SORCS1: variants seen among roughly 807,000 people sequenced by gnomAD.
SORCS1 encodes VPS10 domain-containing receptor SorCS1.
Under a neutral mutation model 146.1 loss-of-function variants are expected in SORCS1, and 60 were observed. That is an observed-to-expected ratio of 0.41 (90% CI 0.33 to 0.51). SORCS1 has a LOEUF of 0.51. Among genes scored for constraint, SORCS1 ranks in the 20% least tolerant of loss-of-function variants. The probability of loss-of-function intolerance (pLI) is 0.21; values close to 1 mark genes in which losing one functional copy is unlikely to be tolerated. For missense variants in SORCS1, 1,352 were observed against 1,487.6 expected, an observed-to-expected ratio of 0.91 and a Z score of 1.50; for synonymous variants, 637 against 584.0, an observed-to-expected ratio of 1.09 and a Z score of -1.31.
At chr10:106,676,953 A>C (rs1446997922) in intron 13 of SORCS1, among the ~76,000 whole-genome samples, 1 of 152,142 alleles carries the variant, frequency 6.6e-6, no homozygotes, top group Non-Finnish European at 1.5e-5. Flanking sequence ...CTTCCTGTTG[A>C]CCACTTCCTC....
At chr10:107,157,876 CTGCAGAGA>C (rs1969413959) in intron 1 of SORCS1, among the ~76,000 whole-genome samples, 2 of 152,202 alleles carry the variant, frequency 1.3e-5, no homozygotes, top group African/African-American at 4.8e-5. Context: ...CCTTTGGCCA[CTGCAGAGA>C]TGCTGTTTGG....
intron 1 of SORCS1, among the ~76,000 whole-genome samples, chr10:107,161,223 T>C (rs1277764126): frequency 2.6e-5 from 4 of 152,178 alleles, no homozygotes; most frequent in Non-Finnish European, 2.9e-5. Context: ...ATAATTACCA[T>C]GCATTTGCAC....
intron 2 of SORCS1, among the ~76,000 whole-genome samples, chr10:106,882,831 G>A (rs1447971253): frequency 6.6e-6 from 1 of 152,130 alleles, no homozygotes; most frequent in Non-Finnish European, 1.5e-5. Context: ...GCACAGGCTT[G>A]GATTTGGGGC....
intron 1 of SORCS1, among the ~76,000 whole-genome samples, chr10:107,018,198 G>T (rs558421772): frequency 5.3e-5 from 8 of 150,868 alleles, no homozygotes; most frequent in African/African-American, 1.7e-4. Context: ...TTTCGGAGAC[G>T]GAGTCCCGCT....
chr10:106,935,801 T>C (rs1953682419), intron 2 of SORCS1, among the ~76,000 whole-genome samples: 2 of 152,266 alleles, frequency 1.3e-5, no homozygotes, highest in African/African-American at 4.8e-5. Context: ...CAGAACATAC[T>C]ATTTACTTCT....
intron 19 of SORCS1, among the ~76,000 whole-genome samples, chr10:106,623,433 A>G (rs960759098): frequency 6.6e-6 from 1 of 151,892 alleles, no homozygotes; most frequent in Admixed American, 6.6e-5. Flanking sequence ...TTTAGTAGAG[A>G]CAGGGTTTCA....
At chr10:107,173,397 A>C in the SORCS1 span, among the ~76,000 whole-genome samples, 14 of 152,164 alleles carry the variant, frequency 9.2e-5, no homozygotes, top group Admixed American at 9.2e-4. Flanking sequence ...CACCAAAAAA[A>C]GTAGGGGAAG....
At chr10:106,622,319 C>T (rs1176240388) in intron 19 of SORCS1, among the ~76,000 whole-genome samples, 4 of 148,334 alleles carry the variant, frequency 2.7e-5, no homozygotes, top group African/African-American at 9.9e-5. Context: ...AAAAAGATTC[C>T]CATGATCCAA....
At chr10:106,641,563 T>C (rs1849070535) in intron 18 of SORCS1, among the ~76,000 whole-genome samples, 2 of 152,126 alleles carry the variant, frequency 1.3e-5, no homozygotes, top group African/African-American at 2.4e-5. Context: ...TTTGACTGTT[T>C]TTCAAATGTT....
chr10:107,008,993 C>A (rs1564920788), intron 1 of SORCS1, among the ~76,000 whole-genome samples: 1 of 152,202 alleles, frequency 6.6e-6, no homozygotes, highest in South Asian at 2.1e-4. Context: ...GAGACTCCGT[C>A]TCAAAACAAA....
intron 18 of SORCS1, among the ~76,000 whole-genome samples, chr10:106,647,010 TA>T (rs1266368440): frequency 0.032 from 9 of 278 alleles, no homozygotes; most frequent in African/African-American, 0.045. Context: ...TGTATGTGTA[TA>T]TATATATATA....
intron 2 of SORCS1, among the ~76,000 whole-genome samples, chr10:106,910,283 T>C (rs1038912354): frequency 8.9e-5 from 13 of 146,036 alleles, no homozygotes; most frequent in Admixed American, 2.1e-4. Flanking sequence ...TCTCTTTACA[T>C]TGTGTGTGTG....
intron 3 of SORCS1, among the ~76,000 whole-genome samples, chr10:106,819,779 G>A (rs917250131): frequency 3.3e-5 from 5 of 152,180 alleles, no homozygotes; most frequent in African/African-American, 1.2e-4. Flanking sequence ...AGAACAGAAA[G>A]ATAAGGGTAA....
chr10:107,093,085 T>C (rs1964313049), intron 1 of SORCS1, among the ~76,000 whole-genome samples: 1 of 152,190 alleles, frequency 6.6e-6, no homozygotes, highest in Non-Finnish European at 1.5e-5. Context: ...AGTGGAATTC[T>C]TCAAGATTCC....
intron 2 of SORCS1, among the ~76,000 whole-genome samples, chr10:106,843,607 T>C (rs1949162127): frequency 1.3e-5 from 2 of 152,160 alleles, no homozygotes; most frequent in Admixed American, 1.3e-4. Context: ...TATTCTGTTT[T>C]TGTATTTTTA....
chr10:107,163,455 C>T (rs1232761843), intron 1 of SORCS1, among the ~76,000 whole-genome samples: 2 of 152,214 alleles, frequency 1.3e-5, no homozygotes, highest in Non-Finnish European at 2.9e-5. Flanking sequence ...TATATACTCT[C>T]CACTGCAGTT....
chr10:106,638,451 C>A (rs1848860307), intron 18 of SORCS1, among the ~76,000 whole-genome samples: 1 of 151,860 alleles, frequency 6.6e-6, no homozygotes, highest in African/African-American at 2.4e-5. Context: ...AAAATAATGA[C>A]AAAGAAAATT....
intron 1 of SORCS1, among the ~76,000 whole-genome samples, chr10:107,062,528 A>C (rs1378822287): frequency 6.6e-6 from 1 of 152,180 alleles, no homozygotes; most frequent in Non-Finnish European, 1.5e-5. Context: ...CACCACAGGA[A>C]GCTAGAACTC....
intron 6 of SORCS1, among the ~76,000 whole-genome samples, chr10:106,710,405 G>A (rs1201363358): frequency 2.9e-5 from 4 of 135,954 alleles, no homozygotes; most frequent in Non-Finnish European, 4.6e-5. Context: ...CCAAGATCAC[G>A]CCACTGCACT....
Sources: gnomAD v4.1 joint callset for allele counts (sites outside exome capture counted in the v4.1 genomes callset) on GRCh38, gnomAD v4.1.1 for gene constraint, MANE v1.5 for transcripts, NCBI Gene and HGNC (gene_info 2026-07-23, HGNC 2026-07-21) for gene names.